The following MCF2L2 variants were observed in gnomAD, a reference collection of about 807,000 sequenced individuals.
MCF2L2 encodes the protein MCF.2 cell line derived transforming sequence-like 2, also known as probable guanine nucleotide exchange factor MCF2L2.
In MCF2L2, 102 loss-of-function variants were observed where a neutral mutation model predicts 150.2. The observed-to-expected ratio is 0.68, with a 90% CI of 0.58 to 0.80. MCF2L2 has a LOEUF of 0.80. Among genes scored for constraint, MCF2L2 ranks in the 30% least tolerant of loss-of-function variants. The pLI is 0.00. For synonymous variants in MCF2L2, 465 were observed against 491.3 expected (o/e 0.95, Z 0.71); for missense variants, 1,256 against 1,372.8 (o/e 0.91, Z 1.34).
At chr3:183,327,949 A>C (rs1281885987) in intron 5 of MCF2L2, among the ~76,000 whole-genome samples, 1 of 152,218 alleles carries the variant, frequency 6.6e-6, no homozygotes, top group Non-Finnish European at 1.5e-5. Context: ...CTGAGTTTAC[A>C]TGAATGCGGT....
At chr3:183,218,446 G>C (rs908652405) in intron 21 of MCF2L2, among the ~76,000 whole-genome samples, 1 of 152,136 alleles carries the variant, frequency 6.6e-6, no homozygotes, top group African/African-American at 2.4e-5. Context: ...AGACCAGCCT[G>C]ACCAACGTGG....
intron 26 of MCF2L2, among the ~76,000 whole-genome samples, 184 bp downstream of exon 26, chr3:183,195,038 C>T (rs1320138955): frequency 6.6e-6 from 1 of 152,146 alleles, no homozygotes; most frequent in Admixed American, 6.6e-5. Flanking sequence ...CTGCCTTGGC[C>T]TCCCAAAGTG....
chr3:183,294,652 G>A (rs1326276915), intron 13 of MCF2L2, among the ~76,000 whole-genome samples: 6 of 137,774 alleles, frequency 4.4e-5, no homozygotes, highest in South Asian at 2.3e-4. Flanking sequence ...TTTTTGAGAC[G>A]GAGTCTCGCT....
Position 183,330,632 on chromosome 3 carries a change from G to C in MCF2L2, c.487-7281C>G, listed in dbSNP as rs1047099661. 2.0e-5 allele frequency among the ~76,000 whole-genome samples: 3 copies of C among 152,274 alleles called. No homozygotes were observed. In the East Asian group the frequency reaches 5.8e-4, roughly 29 times the overall value. On this transcript the variant is annotated intron_variant, in intron 5 of 29. Transcript: ENST00000328913. ...ACTTCATAGAACTGTACACCAAAGA[G>C]AGTGAATTTTACCTGATGTAAATTT...
In MCF2L2 at chr3:183,228,026, T is replaced by TACACACACACACACACACACAC. The variant is rs144915150; in HGVS notation, c.2115+270_2115+271insGTGTGTGTGTGTGTGTGTGTGT. 4.7e-3 allele frequency: 653 copies of TACACACACACACACACACACAC among 140,262 alleles called. 4 individuals are homozygous for TACACACACACACACACACACAC. The highest frequency in any genetic ancestry group is 0.012 in the East Asian group (64 of 5,340). 8.7% of individuals were successfully genotyped at this position (140,262 alleles called of 1,614,324 possible). A position where few individuals can be genotyped will look rare whatever the true frequency, so the allele number is the denominator to read the frequency against. On this transcript the variant is annotated intron_variant, in intron 18 of 29. Coordinates refer to ENST00000328913, the MANE Select transcript of MCF2L2 (RefSeq NM_015078.4). Reference sequence around the variant, plus strand: ...TGTTTTTGGATTATATATATATACATATACACACACACACACACACAATGG... The same window carrying TACACACACACACACACACACAC: ...TGTTTTTGGATTATATATATATACATACACACACACACACACACACACATACACACACACACACACACAATGG...
chr3:183,308,936 C>G (rs899823117), intron 10 of MCF2L2, among the ~76,000 whole-genome samples: 25 of 152,120 alleles, frequency 1.6e-4, no homozygotes, highest in African/African-American at 5.8e-4. Context: ...GGGACTTGGT[C>G]CCCAAGACCC....
chr3:183,241,189 TTTTC>T (rs1238126075), intron 15 of MCF2L2, among the ~76,000 whole-genome samples: 1 of 152,236 alleles, frequency 6.6e-6, no homozygotes, highest in African/African-American at 2.4e-5. Context: ...AAGCAGAGGT[TTTTC>T]TTTAAGTAAA....
At chr3:183,185,979 G>A (rs1304501154) in intron 27 of MCF2L2, among the ~76,000 whole-genome samples, 2 of 151,920 alleles carry the variant, frequency 1.3e-5, no homozygotes, top group Non-Finnish European at 2.9e-5. Flanking sequence ...GGCTGTCTTA[G>A]ACTTTCAGAG....
chr3:183,381,985 C>T (rs1206767555), intron 2 of MCF2L2, among the ~76,000 whole-genome samples: 1 of 152,098 alleles, frequency 6.6e-6, no homozygotes, highest in African/African-American at 2.4e-5. Context: ...CTGGCTAAAA[C>T]ATTTCAAGGA....
At chr3:183,207,978 G>A (rs958042131) in intron 22 of MCF2L2, among the ~76,000 whole-genome samples, 155 bp from the exon 23 acceptor site, 1 of 152,172 alleles carries the variant, frequency 6.6e-6, no homozygotes, top group Admixed American at 6.5e-5. Flanking sequence ...AAATCAAAAC[G>A]ACAATTTTTT....
intron 15 of MCF2L2, among the ~76,000 whole-genome samples, chr3:183,273,576 T>G (rs1726970960): frequency 6.6e-6 from 1 of 152,238 alleles, no homozygotes; most frequent in Admixed American, 6.5e-5. Flanking sequence ...TGTTCTTTCC[T>G]AATGTAGTCA....
chr3:183,201,723 C>A (rs528419973), intron 25 of MCF2L2, among the ~76,000 whole-genome samples: 21 of 152,150 alleles, frequency 1.4e-4, no homozygotes, highest in African/African-American at 5.1e-4. Flanking sequence ...GGGAATACTT[C>A]CAGTTTTTGC....
chr3:183,421,798 G>A (rs1222219149), intron 1 of MCF2L2, among the ~76,000 whole-genome samples: 1 of 152,160 alleles, frequency 6.6e-6, no homozygotes, highest in East Asian at 1.9e-4. Context: ...CCCCATCTCT[G>A]GGGCTTGTTT....
At chr3:183,298,775 A>ACACACACACACACACT (rs2108495489) in intron 11 of MCF2L2, 1 of 142,286 alleles carries the variant, frequency 7.0e-6, no homozygotes, top group Non-Finnish European at 1.5e-5. Context: ...GCACACACAC[A>ACACACACACACACACT]CACACACACA....
intron 15 of MCF2L2, among the ~76,000 whole-genome samples, chr3:183,259,044 T>C (rs1725345567): frequency 6.6e-6 from 1 of 152,202 alleles, no homozygotes; most frequent in South Asian, 2.1e-4. Flanking sequence ...TTTTCAAATG[T>C]TTTTGATCTG....
chr3:183,340,075 T>C (rs1311966105), intron 4 of MCF2L2, among the ~76,000 whole-genome samples: 1 of 152,206 alleles, frequency 6.6e-6, no homozygotes, highest in Non-Finnish European at 1.5e-5. Context: ...ATAAATCCTA[T>C]ATCCACAACT....
rs1432780856 is a variant in MCF2L2 at position 183,309,735 on chromosome 3, T to C, written c.1094A>G (p.Lys365Arg). 6.2e-7 allele frequency: 1 copy of C among 1,614,026 alleles called. No individual in the cohort carries two copies. The highest frequency in any genetic ancestry group is 1.7e-5 in the Admixed American group (1 of 60,004). ...HVEQILKEHK[K>R]LEEKSQEPLE... is the part of the protein sequence containing the mutation. ...GCAAACCTGGCTTTTTTCCTCCAGT[T>C]TTTTGTGTTCCTTAAGAATCTGCTC... The change falls in exon 10 of 30, where the codon AAA becomes AGA. Residue 365 changes from lysine (K) to arginine (R), a missense_variant. Coordinates refer to ENST00000328913, the MANE Select transcript of MCF2L2 (RefSeq NM_015078.4).
intron 1 of MCF2L2, among the ~76,000 whole-genome samples, chr3:183,419,577 G>A (rs1189051223): frequency 6.6e-6 from 1 of 152,110 alleles, no homozygotes; most frequent in Non-Finnish European, 1.5e-5. Context: ...AATAAGTCTT[G>A]AATACTTTGC....
chr3:183,318,147 G>A lies in MCF2L2; in HGVS notation c.674C>T (p.Ala225Val). 1 of 1,614,188 alleles carries A rather than the reference G, an allele frequency of 6.2e-7. No individual in the cohort carries two copies. Among genetic ancestry groups the A allele is most frequent in the Non-Finnish European group, 8.5e-7 (1 of 1,180,038 alleles). ...CATGCTTCTGGGCAGCTCTGCTGTG[G>A]CCAGGCAGGACCCAAACGTCTGCAG... ...QMLQTFGSCL[A>V]TAELPRSMLS... The change falls in exon 7 of 30, where the codon GCC becomes GTC. Residue 225 changes from alanine (A) to valine (V), a missense_variant. Ala to Val is a moderately conservative substitution (Grantham distance 64). Coordinates refer to ENST00000328913, the MANE Select transcript of MCF2L2 (RefSeq NM_015078.4).
Sources: gnomAD v4.1 joint callset for allele counts (sites outside exome capture counted in the v4.1 genomes callset) on GRCh38, gnomAD v4.1.1 for gene constraint, MANE v1.5 for transcripts, NCBI Gene and HGNC (gene_info 2026-07-23, HGNC 2026-07-21) for gene names.